Variants in PCDHGB3 observed in about 807,000 individuals in gnomAD.
PCDHGB3 encodes protocadherin gamma-B3.
PCDHGB3 carries 40 observed loss-of-function variants against 59.2 expected under a neutral mutation model. That is an observed-to-expected ratio of 0.68 (90% CI 0.52 to 0.88). The LOEUF (loss-of-function observed/expected upper bound fraction) is 0.88, where lower values mean the gene tolerates loss of function less well. PCDHGB3 is among the 40% of genes least tolerant of loss of function. PCDHGB3 has a pLI of 0.00. For synonymous variants in PCDHGB3, 581 were observed against 503.6 expected (o/e 1.15, Z -2.06); for missense variants, 1,309 against 1,187.9 (o/e 1.10, Z -1.50).
chr5:141,489,246 G>A lies in PCDHGB3; in HGVS notation c.2416-5561G>A, dbSNP rs141115698. On this transcript the variant is annotated intron_variant, in intron 1 of 3. Coordinates refer to ENST00000576222, the MANE Select transcript of PCDHGB3 (RefSeq NM_018924.5). The surrounding 1 kb of genome is among the most constrained non-coding windows in gnomAD (Gnocchi z 4.5). Reference sequence around the variant, plus strand: ...CACAAAGGGACTTCTGGGTCATGGGGCCCAAGACACTCCCACAGCTCGCTG... The same window carrying A: ...CACAAAGGGACTTCTGGGTCATGGGACCCAAGACACTCCCACAGCTCGCTG... 750 of 1,544,746 alleles carry A rather than the reference G, an allele frequency of 4.9e-4. No homozygotes were observed. The highest frequency in any genetic ancestry group is 6.3e-4 in the Non-Finnish European group (726 of 1,145,538).
In PCDHGB3 at chr5:141,477,850, G is replaced by C. The variant is rs2099420608; in HGVS notation, c.2416-16957G>C. On this transcript the variant is annotated intron_variant, in intron 1 of 3. Coordinates refer to ENST00000576222, the MANE Select transcript of PCDHGB3 (RefSeq NM_018924.5). The surrounding 1 kb of genome is among the most constrained non-coding windows in gnomAD (Gnocchi z 4.9). Reference sequence around the variant, plus strand: ...CTCGGCCAGGTGGGAGCTCGGTGGAGATGCTGCCTCGAGGTACCTCAGCTG... The same window carrying C: ...CTCGGCCAGGTGGGAGCTCGGTGGACATGCTGCCTCGAGGTACCTCAGCTG... 6.2e-6 allele frequency: 10 copies of C among 1,613,328 alleles called. No individual in the cohort carries two copies. Among genetic ancestry groups the C allele is most frequent in the Non-Finnish European group, 7.6e-6 (9 of 1,179,812 alleles).
Position 141,371,120 on chromosome 5 carries a change from T to C in PCDHGB3, c.726T>C (p.Phe242=). 1 of 1,613,974 alleles carries C rather than the reference T, an allele frequency of 6.2e-7. No individual in the cohort carries two copies. Among genetic ancestry groups the C allele is most frequent in the Non-Finnish European group, 8.5e-7 (1 of 1,179,872 alleles). ...ATGCAAATGATAACCCCCCAGTATT[T>C]ACTCAGGACATGTACAGGGTCAATG... ...VADANDNPPV[F]TQDMYRVNVA... Residue 242 remains phenylalanine, a synonymous_variant, in exon 1 of 4, where the codon TTT becomes TTC. Coordinates refer to ENST00000576222, the MANE Select transcript of PCDHGB3 (RefSeq NM_018924.5).
rs2097424370 is a variant in PCDHGB3, at chr5:141,431,859, C to G, written c.2415+59050C>G. On this transcript the variant is annotated intron_variant, in intron 1 of 3. Coordinates refer to ENST00000576222, the MANE Select transcript of PCDHGB3 (RefSeq NM_018924.5). The surrounding 1 kb of genome is among the most constrained non-coding windows in gnomAD (Gnocchi z 4.8). ...AACTCTCCCAGAGGGACATTAATTG[C>G]CCTTTTAAATGTAAATGACCAAGAT... is the stretch of plus-strand genomic sequence containing the variant. The G allele has an allele frequency of 1.2e-6, 2 of 1,614,060 alleles. No individual in the cohort carries two copies. Among genetic ancestry groups the G allele is most frequent in the Middle Eastern group, 3.3e-4 (2 of 6,084 alleles).
At chr5:141,459,831 G>A (rs907978430) in intron 1 of PCDHGB3, among the ~76,000 whole-genome samples, 1 of 152,150 alleles carries the variant, frequency 6.6e-6, no homozygotes, top group Admixed American at 6.6e-5. Context: ...CTTTTCATGT[G>A]TTGTCTATTT....
intron 1 of PCDHGB3, chr5:141,404,724 T>C: frequency 6.2e-7 from 1 of 1,613,942 alleles, no homozygotes; most frequent in Non-Finnish European, 8.5e-7. Context: ...GTGACCAAGG[T>C]GGTGGCAGTG....
At chr5:141,452,000 A>G (rs2098730428) in intron 1 of PCDHGB3, among the ~76,000 whole-genome samples, 1 of 152,198 alleles carries the variant, frequency 6.6e-6, no homozygotes, top group Admixed American at 6.5e-5. Flanking sequence ...AAGCAAAATC[A>G]CTTGGTCCAG....
chr5:141,475,167 G>T (rs529813171), intron 1 of PCDHGB3, among the ~76,000 whole-genome samples: 1 of 152,160 alleles, frequency 6.6e-6, no homozygotes, highest in Admixed American at 6.5e-5. Flanking sequence ...CATTAGCAGT[G>T]CAACTTCTTG....
At chr5:141,446,767 G>T (rs891355909) in intron 1 of PCDHGB3, among the ~76,000 whole-genome samples, 1 of 152,118 alleles carries the variant, frequency 6.6e-6, no homozygotes, top group African/African-American at 2.4e-5. Flanking sequence ...GCGCCCAGCC[G>T]GTTACCATTC....
At chr5:141,399,719 G>A (rs773556952) in intron 1 of PCDHGB3, 13 of 1,613,168 alleles carry the variant, frequency 8.1e-6, no homozygotes, top group Non-Finnish European at 1.1e-5. Flanking sequence ...CTACAGGCCC[G>A]CGACCAGGGC....
In PCDHGB3 at chr5:141,511,217, C is replaced by A. The variant is rs766814445; in HGVS notation, c.*44C>A. On this transcript the variant is annotated 3_prime_UTR_variant, in exon 4 of 4. Transcript: ENST00000576222. ...AGCCACAGGGCGGCCTCTCCCCAAC[C>A]AGCCCAGCTTCTCCTTACCTGCACC... The A allele has an allele frequency of 2.5e-6, 4 of 1,607,588 alleles. No homozygotes were observed. Among genetic ancestry groups the A allele is most frequent in the Non-Finnish European group, 3.4e-6 (4 of 1,177,026 alleles).
rs781198519 is a variant in PCDHGB3 at position 141,432,162 on chromosome 5, G to A, written c.2415+59353G>A. ...TATATCCCAGAGAACAATCCCAGAG[G>A]AGTTTCCCTCGTCTCTGTGACCGCC... On this transcript the variant is annotated intron_variant, in intron 1 of 3. Coordinates refer to ENST00000576222, the MANE Select transcript of PCDHGB3 (RefSeq NM_018924.5). The surrounding 1 kb of genome is among the most constrained non-coding windows in gnomAD (Gnocchi z 6.0). 1 of 1,614,070 alleles carries A rather than the reference G, an allele frequency of 6.2e-7. No homozygotes were observed. The highest frequency in any genetic ancestry group is 8.5e-7 in the Non-Finnish European group (1 of 1,180,030).
At chr5:141,407,535 T>C (rs1471174995) in intron 1 of PCDHGB3, among the ~76,000 whole-genome samples, 1 of 151,840 alleles carries the variant, frequency 6.6e-6, no homozygotes, top group Non-Finnish European at 1.5e-5. Context: ...TTATTGTGCA[T>C]TGGTAACAGA....
Position 141,370,971 on chromosome 5 carries a change from G to C in PCDHGB3, c.577G>C (p.Glu193Gln). Residue 193 changes from glutamate to glutamine, a missense_variant, in exon 1 of 4, where the codon GAG becomes CAG. By Grantham distance (29) the Glu-to-Gln change is conservative. Coordinates refer to ENST00000576222, the MANE Select transcript of PCDHGB3 (RefSeq NM_018924.5). ...GAACCTGGATGGCAGTAGGTACCCA[G>C]AGCTAGTACTGAAAGCACCCCTGGA... ...KENLDGSRYP[E>Q]LVLKAPLDRE... is the part of the protein sequence containing the mutation. The C allele has an allele frequency of 1.2e-6, 2 of 1,614,016 alleles. No individual in the cohort carries two copies. The highest frequency in any genetic ancestry group is 1.7e-6 in the Non-Finnish European group (2 of 1,179,898).
rs374049261 is a variant in PCDHGB3, at chr5:141,393,657, C to T, written c.2415+20848C>T. ...CAACGGAAAAGTGGCATACAAATTC[C>T]GGAAAATTAATGAAAAACAAACTCC... On this transcript the variant is annotated intron_variant, in intron 1 of 3. Coordinates refer to ENST00000576222, the MANE Select transcript of PCDHGB3 (RefSeq NM_018924.5). The T allele has an allele frequency of 3.5e-5, 57 of 1,613,744 alleles. No individual in the cohort carries two copies. In the African/African-American group the frequency reaches 6.5e-4, roughly 19 times the overall value.
chr5:141,419,617 C>T (rs780077182), intron 1 of PCDHGB3: 2 of 1,612,280 alleles, frequency 1.2e-6, no homozygotes, highest in South Asian at 2.2e-5. Flanking sequence ...AGCCAGGCTA[C>T]CTGGTGACCA....
In PCDHGB3 at chr5:141,495,049, T is replaced by G. The variant is rs543734863; in HGVS notation, c.2474+184T>G. ...CCCCGGAAGGAAGAGGCGACTGCCC[T>G]GACTGTTCAGGAAGCTCAATTCACA... On this transcript the variant is annotated intron_variant, in intron 2 of 3. Coordinates refer to ENST00000576222, the MANE Select transcript of PCDHGB3 (RefSeq NM_018924.5). Among the ~76,000 whole-genome samples the G allele has an allele frequency of 5.6e-4, 86 of 152,312 alleles. 1 individual carries two copies. Among genetic ancestry groups the G allele is most frequent in the African/African-American group, 1.6e-3 (65 of 41,578 alleles).
chr5:141,391,238 T>A (rs1388439892), intron 1 of PCDHGB3: 1 of 152,120 alleles, frequency 6.6e-6, no homozygotes, highest in Non-Finnish European at 1.5e-5. Flanking sequence ...TTGCTAGGTA[T>A]ATCTAAGCAA....
intron 1 of PCDHGB3, chr5:141,387,823 A>G: frequency 6.3e-7 from 1 of 1,581,002 alleles, no homozygotes; most frequent in South Asian, 1.2e-5. Context: ...AATCTGCAAT[A>G]CAGAGGTTAT....
chr5:141,385,126 A>G lies in PCDHGB3; in HGVS notation c.2415+12317A>G. The G allele has an allele frequency of 6.2e-7, 1 of 1,614,206 alleles. No individual in the cohort carries two copies. The highest frequency in any genetic ancestry group is 1.1e-5 in the South Asian group (1 of 91,090). On this transcript the variant is annotated intron_variant, in intron 1 of 3. Coordinates refer to ENST00000576222, the MANE Select transcript of PCDHGB3 (RefSeq NM_018924.5). Reference sequence around the variant, plus strand: ...CGTGCCCACCTCGCACTTTGTGGGCATGGACGGGGTGCAGGCTTTCCTGCA... The same window carrying G: ...CGTGCCCACCTCGCACTTTGTGGGCGTGGACGGGGTGCAGGCTTTCCTGCA...
Sources: allele counts gnomAD v4.1 joint callset (sites outside exome capture counted in the v4.1 genomes callset), GRCh38; gene constraint gnomAD v4.1.1; non-coding constraint Gnocchi (gnomAD v3.1); transcripts MANE v1.5; gene names NCBI Gene and HGNC (gene_info 2026-07-23, HGNC 2026-07-21).